Variants in PPDPFL observed in about 807,000 individuals in gnomAD.
PPDPFL encodes the protein pancreatic progenitor cell differentiation and proliferation factor like.
Under a neutral mutation model 12.6 loss-of-function variants are expected in PPDPFL, and 12 were observed. That is an observed-to-expected ratio of 0.95 (90% CI 0.61 to 1.54). The LOEUF (loss-of-function observed/expected upper bound fraction) is 1.54, where lower values mean the gene tolerates loss of function less well. Ranked by LOEUF, PPDPFL falls within the 40% of genes most tolerant of loss-of-function variation. PPDPFL has a pLI of 0.00. For synonymous variants in PPDPFL, 24 were observed against 32.7 expected (o/e 0.73, Z 0.91); for missense variants, 114 against 96.0 (o/e 1.19, Z -0.78).
In PPDPFL at chr8:49,074,820, G is replaced by C. The variant is rs184862385; in HGVS notation, c.234-332G>C. Reference sequence around the variant, plus strand: ...GAACTCAAACACACTGACTAGCACAGTTGTAATTTAATATATTTAAACTAC... The same window carrying C: ...GAACTCAAACACACTGACTAGCACACTTGTAATTTAATATATTTAAACTAC... On this transcript the variant is annotated intron_variant, in intron 4 of 4. Coordinates refer to ENST00000522267, the MANE Select transcript of PPDPFL (RefSeq NM_001256597.2). 4.6e-4 allele frequency: 648 copies of C among 1,416,650 alleles called. 3 individuals carry two copies. In the African/African-American group the frequency reaches 8.6e-3, roughly 19 times the overall value. The allele number at this position is 1,416,650 out of a possible 1,614,324, so 87.8% of individuals were successfully genotyped here.
upstream of PPDPFL, among the ~76,000 whole-genome samples, chr8:49,070,480 A>G (rs942819868): frequency 2.0e-5 from 3 of 152,252 alleles, no homozygotes; most frequent in Non-Finnish European, 4.4e-5. Flanking sequence ...ATATTTTGAA[A>G]TAAATGACAA....
At chr8:49,061,764 G>C (rs1473890268) in intron 1 of PPDPFL, among the ~76,000 whole-genome samples, 1 of 152,174 alleles carries the variant, frequency 6.6e-6, no homozygotes, top group East Asian at 1.9e-4. Context: ...AAAAGCTGAG[G>C]AGTGAGCTTA....
At chr8:49,062,204 A>G (rs912950684) in intron 1 of PPDPFL, among the ~76,000 whole-genome samples, 1 of 152,344 alleles carries the variant, frequency 6.6e-6, no homozygotes, top group African/African-American at 2.4e-5. Flanking sequence ...AGCTGGCTCA[A>G]GGAGTGCCAG....
At position 49,072,904 on chromosome 8, in the gene PPDPFL, G is replaced by A. The variant is rs1334318725; in HGVS notation, c.55+19G>A. 4 of 1,591,248 alleles carry A rather than the reference G, an allele frequency of 2.5e-6. No homozygotes were observed. ...TATCGAAGTAAGTTGCATCATCATA[G>A]AGACGTCCCTAGATAATATGATTTG... is the stretch of plus-strand genomic sequence containing the variant. On this transcript the variant is annotated intron_variant, in intron 2 of 4. Transcript: ENST00000522267.
rs1178917896 is a variant in PPDPFL, at chr8:49,075,882, A to G, written c.*709A>G. ...TAAAAATTAGCATAATACACCATAT[A>G]TGGTACAATCGTAGTTGTATTAAAA... On this transcript the variant is annotated 3_prime_UTR_variant, in exon 5 of 5. Coordinates refer to ENST00000522267, the MANE Select transcript of PPDPFL (RefSeq NM_001256597.2). 1 of 152,844 alleles carries G rather than the reference A, an allele frequency of 6.5e-6. No homozygotes were observed. The highest frequency in any genetic ancestry group is 2.4e-5 in the African/African-American group (1 of 41,578). The allele number at this position is 152,844 out of a possible 1,614,324, so 9.5% of individuals were successfully genotyped here.
intron 1 of PPDPFL, among the ~76,000 whole-genome samples, chr8:49,055,407 G>A (rs1422565591): frequency 1.3e-5 from 2 of 152,014 alleles, no homozygotes; most frequent in Non-Finnish European, 2.9e-5. Flanking sequence ...ACCTGCTCAG[G>A]CCCCATTTCC....
intron 4 of PPDPFL, chr8:49,074,696 C>A: frequency 6.8e-7 from 1 of 1,478,906 alleles, no homozygotes; most frequent in Middle Eastern, 1.8e-4. Context: ...TCTTAAATAA[C>A]CTTAGGATAA....
At chr8:49,070,850 C>A (rs1808372622), upstream of PPDPFL, among the ~76,000 whole-genome samples, 1 of 151,974 alleles carries the variant, frequency 6.6e-6, no homozygotes. Context: ...TCATATGGTT[C>A]TTTTATTTTG....
At chr8:49,074,836 T>C in intron 4 of PPDPFL, 1 of 1,405,168 alleles carries the variant, frequency 7.1e-7, no homozygotes. Context: ...ATTTAATATA[T>C]TTAAACTACT....
Position 49,065,820 on chromosome 8 carries a change from G to A in PPDPFL, c.-44-6967G>A, listed in dbSNP as rs1245994050. On this transcript the variant is annotated intron_variant, in intron 1 of 4. Transcript: ENST00000517663. Reference sequence around the variant, plus strand: ...GCTCCTTGGCAGCCCGGCATCTGAAGACCTATTTTGGGGGAACCTAACACT... The same window carrying A: ...GCTCCTTGGCAGCCCGGCATCTGAAAACCTATTTTGGGGGAACCTAACACT... 2.6e-5 allele frequency among the ~76,000 whole-genome samples: 4 copies of A among 152,210 alleles called. No homozygotes were observed. The South Asian group carries it at 8.3e-4, about 32-fold the overall frequency.
chr8:49,065,691 G>A (rs1380265597), intron 1 of PPDPFL, among the ~76,000 whole-genome samples: 9 of 152,210 alleles, frequency 5.9e-5, no homozygotes, highest in Non-Finnish European at 1.3e-4. Context: ...GTGGGAATGA[G>A]GCTGCCACAT....
chr8:49,070,096 G>C (rs566279042), upstream of PPDPFL, among the ~76,000 whole-genome samples: 14 of 152,322 alleles, frequency 9.2e-5, no homozygotes, highest in African/African-American at 3.4e-4. Flanking sequence ...TTTGCAGGAA[G>C]ACGAATGGGG....
At chr8:49,059,322 C>T (rs774018213) in intron 1 of PPDPFL, among the ~76,000 whole-genome samples, 32 of 151,994 alleles carry the variant, frequency 2.1e-4, no homozygotes, top group South Asian at 4.1e-4. Context: ...AGAGGGATAA[C>T]GCTATAGTGA....
At chr8:49,074,680 T>C in intron 4 of PPDPFL, 1 of 1,494,264 alleles carries the variant, frequency 6.7e-7, no homozygotes, top group East Asian at 2.5e-5. Flanking sequence ...CATTGTCTAG[T>C]TGTTGTCTTA....
chr8:49,074,658 G>A (rs1217672336), intron 4 of PPDPFL: 2 of 1,519,052 alleles, frequency 1.3e-6, no homozygotes, highest in Non-Finnish European at 8.8e-7. Flanking sequence ...ATACCTTCAG[G>A]AAAAGAATAA....
intron 2 of PPDPFL, among the ~76,000 whole-genome samples, chr8:49,073,470 C>T (rs1808429899): frequency 6.6e-6 from 1 of 152,142 alleles, no homozygotes; most frequent in Admixed American, 6.5e-5. Context: ...ACATAGAAAA[C>T]TCTTCTTTCA....
intron 1 of PPDPFL, among the ~76,000 whole-genome samples, chr8:49,062,118 G>A (rs1197136345): frequency 6.6e-6 from 1 of 152,120 alleles, no homozygotes; most frequent in East Asian, 1.9e-4. Flanking sequence ...GGTAGGAAAG[G>A]GCCTCTACCC....
At chr8:49,071,535 A>G (rs1351728742), upstream of PPDPFL, among the ~76,000 whole-genome samples, 3 of 152,154 alleles carry the variant, frequency 2.0e-5, no homozygotes, top group African/African-American at 7.2e-5. Flanking sequence ...GCGTGCCTGT[A>G]GTCCCAGCTA....
Position 49,074,156 on chromosome 8 carries a change from A to G in PPDPFL, c.133+20A>G. The G allele has an allele frequency of 2.5e-6, 4 of 1,604,714 alleles. No individual in the cohort carries two copies. The highest frequency in any genetic ancestry group is 3.4e-6 in the Non-Finnish European group (4 of 1,171,842). The stretch of plus-strand genomic sequence containing the variant: ...AGCAAGGTACTTAGTTATTTCTTTC[A>G]GTGTCATCCTTATTATTTCTTTTTA... On this transcript the variant is annotated intron_variant, in intron 3 of 4. Coordinates refer to ENST00000522267, the MANE Select transcript of PPDPFL (RefSeq NM_001256597.2).
Sources: gnomAD v4.1 joint callset for allele counts (sites outside exome capture counted in the v4.1 genomes callset) on GRCh38, gnomAD v4.1.1 for gene constraint, MANE v1.5 for transcripts, NCBI Gene and HGNC (gene_info 2026-07-23, HGNC 2026-07-21) for gene names.